Variants in PCNX2 observed in about 807,000 individuals in gnomAD.
PCNX2 encodes pecanex-like protein 2.
In PCNX2, 168 loss-of-function variants were observed where a neutral mutation model predicts 223.8. The ratio of observed to expected loss-of-function variants is 0.75; its 90% CI spans 0.66 to 0.85. PCNX2 has a LOEUF of 0.85. PCNX2 is among the 40% of genes least tolerant of loss of function. The pLI is 0.00. For synonymous variants in PCNX2, 1,006 were observed against 1,052.6 expected, an observed-to-expected ratio of 0.96 and a Z score of 0.86; for missense variants, 2,507 against 2,675.5, an observed-to-expected ratio of 0.94 and a Z score of 1.39.
chr1:233,106,810 T>C (rs1187007840), intron 21 of PCNX2, among the ~76,000 whole-genome samples: 1 of 152,188 alleles, frequency 6.6e-6, no homozygotes, highest in Non-Finnish European at 1.5e-5. Flanking sequence ...CTTTTTGTAA[T>C]GCCCTCCTGT....
intron 19 of PCNX2, among the ~76,000 whole-genome samples, chr1:233,144,920 G>A (rs1216621917): frequency 6.7e-6 from 1 of 150,232 alleles, no homozygotes; most frequent in African/African-American, 2.4e-5. Flanking sequence ...CCCACTTAGG[G>A]CCTTCGGTGC....
chr1:233,109,587 CAG>C (rs1471572591), intron 21 of PCNX2, among the ~76,000 whole-genome samples: 1 of 152,170 alleles, frequency 6.6e-6, no homozygotes, highest in Non-Finnish European at 1.5e-5. Flanking sequence ...AGGAAATAAT[CAG>C]TGAACATGAA....
At chr1:233,042,286 C>T (rs951583644) in intron 25 of PCNX2, among the ~76,000 whole-genome samples, 4 of 152,206 alleles carry the variant, frequency 2.6e-5, no homozygotes, top group Admixed American at 6.5e-5. Flanking sequence ...ACCTGCCAGC[C>T]TCATCCCAGC....
intron 25 of PCNX2, among the ~76,000 whole-genome samples, chr1:233,038,599 T>G (rs1671537943): frequency 1.3e-5 from 2 of 152,150 alleles, no homozygotes; most frequent in South Asian, 4.1e-4. Context: ...GGAGAACTCA[T>G]TATTGTATGG....
At chr1:233,284,173 G>A (rs1010588955) in intron 1 of PCNX2, among the ~76,000 whole-genome samples, 1 of 152,156 alleles carries the variant, frequency 6.6e-6, no homozygotes, top group African/African-American at 2.4e-5. Flanking sequence ...CTGGCATAAC[G>A]GAAATTTGGA....
chr1:233,289,164 A>G, intron 1 of PCNX2: 1 of 839,404 alleles, frequency 1.2e-6, no homozygotes, highest in East Asian at 2.4e-5. Context: ...CCTTTAAGCG[A>G]TAAAGACAAC....
At chr1:233,039,598 A>G (rs753401744) in intron 25 of PCNX2, among the ~76,000 whole-genome samples, 13 of 152,228 alleles carry the variant, frequency 8.5e-5, no homozygotes, top group Middle Eastern at 3.2e-3. Flanking sequence ...GGAGAGTTAC[A>G]TGAATAAGCC....
intron 9 of PCNX2, chr1:233,231,651 T>C (rs1658071129): frequency 1.0e-6 from 1 of 984,516 alleles, no homozygotes; most frequent in Non-Finnish European, 1.2e-6. Flanking sequence ...GGAGAAGGAG[T>C]AGAAGAGTGA....
At chr1:233,058,714 G>A (rs1175728889) in intron 23 of PCNX2, among the ~76,000 whole-genome samples, 1 of 138,270 alleles carries the variant, frequency 7.2e-6, no homozygotes, top group Non-Finnish European at 1.5e-5. Context: ...TCACCAGGAT[G>A]GAGTGCAGCA....
chr1:233,159,513 T>C (rs946454413), intron 19 of PCNX2, among the ~76,000 whole-genome samples: 2 of 152,178 alleles, frequency 1.3e-5, no homozygotes, highest in Non-Finnish European at 2.9e-5. Flanking sequence ...TAAACAGCTC[T>C]GTGCAGAATC....
At chr1:232,986,600 G>A (rs1434706761) in intron 32 of PCNX2, 60 bp from the exon 33 acceptor site, 1 of 1,410,518 alleles carries the variant, frequency 7.1e-7, no homozygotes, top group African/African-American at 1.4e-5. Flanking sequence ...CGATACCTGT[G>A]TGGTGCAGCA....
chr1:233,151,002 A>G (rs558847398), intron 19 of PCNX2, among the ~76,000 whole-genome samples: 87 of 152,250 alleles, frequency 5.7e-4, no homozygotes, highest in Admixed American at 1.4e-3. Flanking sequence ...AAATGCTCTC[A>G]CTGTGGCCAC....
chr1:233,310,482 G>C, the PCNX2 span, among the ~76,000 whole-genome samples: 493 of 152,246 alleles, frequency 3.2e-3, 1 homozygote, highest in Non-Finnish European at 5.0e-3. Flanking sequence ...GAATAATGCG[G>C]ACCACATTTC....
intron 30 of PCNX2, 91 bp from the exon 31 acceptor site, chr1:232,999,470 T>G: frequency 1.8e-6 from 2 of 1,137,032 alleles, no homozygotes; most frequent in South Asian, 1.7e-5. Context: ...TTTTTTTTTT[T>G]GAGATAGAGT....
At chr1:233,132,476 T>G (rs1676559657) in intron 21 of PCNX2, among the ~76,000 whole-genome samples, 1 of 152,192 alleles carries the variant, frequency 6.6e-6, no homozygotes, top group South Asian at 2.1e-4. Flanking sequence ...AGGCGGCCTG[T>G]GCTCCCATAA....
intron 26 of PCNX2, among the ~76,000 whole-genome samples, chr1:233,017,551 C>G (rs565491065): frequency 6.6e-6 from 1 of 151,948 alleles, no homozygotes; most frequent in South Asian, 2.1e-4. Flanking sequence ...CTCCTGACCT[C>G]GTGATCCGCC....
rs1203079461 is a variant in PCNX2, at chr1:233,054,459, G to A, written c.4160C>T (p.Ser1387Phe). Residue 1387 changes from serine to phenylalanine, a missense_variant, in exon 25 of 34, where the codon TCC becomes TTC. Physicochemically the swap from Ser to Phe is radical, Grantham distance 155. Coordinates refer to ENST00000258229, the MANE Select transcript of PCNX2 (RefSeq NM_014801.4). ...DPGNDDNNLN[S>F]IFYEHLTRTL... ...CCTTGTCAAGTGTTCATAAAAAATG[G>A]AATTGAGATTGTTGTCATCATTCCC... 57 of 1,613,450 alleles carry A rather than the reference G, an allele frequency of 3.5e-5. No individual in the cohort carries two copies. The highest frequency in any genetic ancestry group is 4.7e-5 in the Non-Finnish European group (55 of 1,179,622).
rs780717611 is a variant in PCNX2, at chr1:233,259,051, C to T, written c.811G>A (p.Val271Ile). 64 of 1,613,872 alleles carry T rather than the reference C, an allele frequency of 4.0e-5. No individual in the cohort carries two copies. Among genetic ancestry groups the T allele is most frequent in the South Asian group, 5.5e-5 (5 of 91,094 alleles). Residue 271 changes from valine (V) to isoleucine (I), a missense_variant, in exon 5 of 34, where the codon GTT becomes ATT. Transcript: ENST00000258229. The part of the protein sequence containing the change: ...LSQYDLLETD[V>I]SFQPWGSENS... ...TCACTCCCCCACGGCTGGAAAGAAACGTCTGTTTCTAGTAAGTCATACTGA... is the reference window on the plus strand; with the variant it reads ...TCACTCCCCCACGGCTGGAAAGAAATGTCTGTTTCTAGTAAGTCATACTGA...
chr1:233,226,234 C>T (rs993116816), intron 10 of PCNX2, among the ~76,000 whole-genome samples: 7 of 152,100 alleles, frequency 4.6e-5, no homozygotes, highest in African/African-American at 1.7e-4. Flanking sequence ...AAATGAGAAG[C>T]CCCCACTCCT....
Sources: gnomAD v4.1 joint callset for allele counts (sites outside exome capture counted in the v4.1 genomes callset) on GRCh38, gnomAD v4.1.1 for gene constraint, MANE v1.5 for transcripts, NCBI Gene and HGNC (gene_info 2026-07-23, HGNC 2026-07-21) for gene names.